The following DCDC1 variants were observed in gnomAD, a reference collection of about 807,000 sequenced individuals.
DCDC1 encodes doublecortin domain-containing protein 1.
A neutral mutation model predicts 178.3 loss-of-function variants in DCDC1; 200 were observed. The ratio of observed to expected loss-of-function variants is 1.12; its 90% CI spans 1.00 to 1.26. DCDC1 has a LOEUF of 1.26. Ranked by LOEUF, DCDC1 falls within the 50% of genes most tolerant of loss-of-function variation. The probability of loss-of-function intolerance (pLI) is 0.00; values close to 1 mark genes in which losing one functional copy is unlikely to be tolerated. For missense variants in DCDC1, 1,983 were observed against 1,749.2 expected, an observed-to-expected ratio of 1.13 and a Z score of -2.38; for synonymous variants, 690 against 604.8, an observed-to-expected ratio of 1.14 and a Z score of -2.07.
chr11:31,348,177 CCTAT>C (rs1203079812), intron 1 of DCDC1, among the ~76,000 whole-genome samples: 1 of 152,124 alleles, frequency 6.6e-6, no homozygotes, highest in African/African-American at 2.4e-5. Context: ...TTGCTGACTT[CCTAT>C]CTATCATCAA....
chr11:30,884,685 T>G (rs1943007013), intron 36 of DCDC1, among the ~76,000 whole-genome samples: 1 of 151,938 alleles, frequency 6.6e-6, no homozygotes, highest in Non-Finnish European at 1.5e-5. Context: ...TATTTAAAAA[T>G]CTAAGACCCT....
intron 20 of DCDC1, among the ~76,000 whole-genome samples, chr11:31,036,322 A>C (rs1954022003): frequency 6.6e-6 from 1 of 152,172 alleles, no homozygotes; most frequent in African/African-American, 2.4e-5. Context: ...TCTTAAATTT[A>C]TGTTCGCTGC....
intron 36 of DCDC1, chr11:30,883,168 G>A (rs1263011343): frequency 1.3e-5 from 2 of 153,458 alleles, no homozygotes; most frequent in Non-Finnish European, 2.9e-5. Context: ...TTGTATAGCT[G>A]CTAGTGAGAG....
intron 7 of DCDC1, 23 bp from the exon 8 acceptor site, chr11:31,265,623 A>T: frequency 8.2e-7 from 1 of 1,216,112 alleles, no homozygotes; most frequent in Non-Finnish European, 1.1e-6. Flanking sequence ...AAAAAATTAT[A>T]AATAATTTAG....
intron 1 of DCDC1, among the ~76,000 whole-genome samples, chr11:31,339,835 T>C (rs940146089): frequency 6.6e-6 from 1 of 152,176 alleles, no homozygotes; most frequent in African/African-American, 2.4e-5. Context: ...AAATAATTTA[T>C]CATCCAAACT....
chr11:30,944,232 T>C, intron 21 of DCDC1: 1 of 445,106 alleles, frequency 2.2e-6, no homozygotes, highest in South Asian at 1.6e-5. Context: ...CTCTGTCTCC[T>C]TCCTTTTCTT....
At chr11:31,321,885 C>T (rs779794221) in intron 3 of DCDC1, among the ~76,000 whole-genome samples, 8 of 152,004 alleles carry the variant, frequency 5.3e-5, no homozygotes, top group Non-Finnish European at 7.4e-5. Context: ...TTACTGATCA[C>T]GATTAGCTCT....
chr11:31,149,515 A>T (rs1964909207), intron 9 of DCDC1, among the ~76,000 whole-genome samples: 1 of 152,106 alleles, frequency 6.6e-6, no homozygotes, highest in Admixed American at 6.6e-5. Context: ...CAACCCGCCC[A>T]GCAGCAGCAA....
chr11:31,177,803 C>T (rs767393818), intron 9 of DCDC1, among the ~76,000 whole-genome samples: 7 of 151,946 alleles, frequency 4.6e-5, no homozygotes, highest in Non-Finnish European at 1.0e-4. Flanking sequence ...TAATAAAGGG[C>T]TCAATTGAAC....
rs80299568 is a variant in DCDC1 at position 31,106,891 on chromosome 11, T to C, written c.1657A>G (p.Met553Val). The C allele has an allele frequency of 2.5e-3, 1,905 of 766,146 alleles. 18 individuals carry two copies. The highest frequency in any genetic ancestry group is 0.02 in the African/African-American group (1,208 of 59,202). 47.5% of individuals were successfully genotyped at this position (766,146 alleles called of 1,614,324 possible). ...TGGCCATTCTCATCAAAAAGCCGCA[T>C]TGAAGAATAATTGAGGCCTGGTGGG... ...INPPGLNYSS[M>V]RLFDENGQEI... Residue 553 changes from methionine to valine, a missense_variant, in exon 13 of 39, where the codon ATG becomes GTG. Coordinates refer to ENST00000684477, the MANE Select transcript of DCDC1 (RefSeq NM_001387274.1).
chr11:31,221,963 C>G (rs1224445962), intron 9 of DCDC1, among the ~76,000 whole-genome samples: 1 of 152,194 alleles, frequency 6.6e-6, no homozygotes, highest in East Asian at 1.9e-4. Flanking sequence ...AATTTCATCA[C>G]TTGTAAGTTC....
At chr11:30,979,182 T>A (rs904598488) in intron 20 of DCDC1, among the ~76,000 whole-genome samples, 9 of 151,888 alleles carry the variant, frequency 5.9e-5, no homozygotes, top group African/African-American at 2.2e-4. Context: ...ATAACTAAAA[T>A]AGCAAGTACA....
intron 15 of DCDC1, among the ~76,000 whole-genome samples, chr11:31,096,930 T>C (rs752154904): frequency 5.8e-4 from 89 of 152,184 alleles, no homozygotes; most frequent in South Asian, 4.2e-3. Flanking sequence ...TGTGTGTGTG[T>C]GCGCGCGCCC....
At chr11:31,314,651 C>A (rs1948958131) in intron 3 of DCDC1, 1 of 152,090 alleles carries the variant, frequency 6.6e-6, no homozygotes, top group Admixed American at 6.5e-5. Flanking sequence ...TTTTTTGAGG[C>A]CAGGAATAGC....
chr11:31,109,686 G>A (rs949574786), intron 12 of DCDC1, among the ~76,000 whole-genome samples: 1 of 152,122 alleles, frequency 6.6e-6, no homozygotes, highest in South Asian at 2.1e-4. Context: ...GTGCGCTCGG[G>A]TGCATAACCC....
chr11:30,964,273 G>A (rs1428691103), intron 20 of DCDC1, among the ~76,000 whole-genome samples: 3 of 152,144 alleles, frequency 2.0e-5, no homozygotes, highest in South Asian at 2.1e-4. Context: ...AGTGGTGCAC[G>A]TGAAGATTCT....
At chr11:31,337,539 C>A (rs1054051579) in intron 1 of DCDC1, among the ~76,000 whole-genome samples, 1 of 152,144 alleles carries the variant, frequency 6.6e-6, no homozygotes, top group Non-Finnish European at 1.5e-5. Context: ...ATTGCACACA[C>A]CTCTAGTCCT....
chr11:31,137,750 A>C lies in DCDC1; in HGVS notation c.1256T>G (p.Ile419Ser), dbSNP rs1963331718. ...CATTGAAAGAATGACTTTTTCTGTA[A>C]TTTTCTCCTTCTGTTCATTCATGAC... ...NLVMNEQKEK[I>S]TEKVILSMTA... The change falls in exon 10 of 39, where the codon ATT becomes AGT. Residue 419 changes from isoleucine (I) to serine (S), a missense_variant. Physicochemically the swap from Ile to Ser is moderately radical, Grantham distance 142. Coordinates refer to ENST00000684477, the MANE Select transcript of DCDC1 (RefSeq NM_001387274.1). 2 of 702,494 alleles carry C rather than the reference A, an allele frequency of 2.8e-6. No homozygotes were observed. The highest frequency in any genetic ancestry group is 5.2e-6 in the Non-Finnish European group (2 of 384,844). 43.5% of individuals were successfully genotyped at this position (702,494 alleles called of 1,614,324 possible). A position where few individuals can be genotyped will look rare whatever the true frequency, so the allele number is the denominator to read the frequency against.
intron 20 of DCDC1, among the ~76,000 whole-genome samples, chr11:31,051,278 A>G (rs1955230176): frequency 6.6e-6 from 1 of 152,214 alleles, no homozygotes; most frequent in Non-Finnish European, 1.5e-5. Flanking sequence ...AAGACAAAGA[A>G]AAAACAATAA....
Sources: gnomAD v4.1 joint callset for allele counts (sites outside exome capture counted in the v4.1 genomes callset) on GRCh38, gnomAD v4.1.1 for gene constraint, MANE v1.5 for transcripts, NCBI Gene and HGNC (gene_info 2026-07-23, HGNC 2026-07-21) for gene names.